Variants in KMT2C observed in about 807,000 individuals in gnomAD.
KMT2C encodes the protein lysine methyltransferase 2C.
KMT2C carries 88 observed loss-of-function variants against 507.9 expected under a neutral mutation model. The observed-to-expected ratio is 0.17, with a 90% CI of 0.15 to 0.21. KMT2C has a LOEUF of 0.21. KMT2C is among the 10% of genes least tolerant of loss of function. KMT2C has a pLI of 1.00. For synonymous variants in KMT2C, 2,049 were observed against 2,080.8 expected, an observed-to-expected ratio of 0.98 and a Z score of 0.42; for missense variants, 4,954 against 5,957.8, an observed-to-expected ratio of 0.83 and a Z score of 5.55.
At chr7:152,377,387 T>C (rs2097337257) in intron 1 of KMT2C, among the ~76,000 whole-genome samples, 2 of 150,360 alleles carry the variant, frequency 1.3e-5, no homozygotes, top group Non-Finnish European at 3.0e-5. Context: ...GATACATCTA[T>C]CCTGCAGCCC....
chr7:152,297,847 T>C (rs956957452), intron 6 of KMT2C, among the ~76,000 whole-genome samples: 9 of 151,958 alleles, frequency 5.9e-5, no homozygotes, highest in Non-Finnish European at 1.3e-4. Flanking sequence ...AAATAATCAA[T>C]CAAAACTGAC....
In KMT2C at chr7:152,367,198, C is replaced by T. The variant is rs532163473; in HGVS notation, c.162-8523G>A. ...GGTCTCCCACTCAGAGCTGAGGAAG[C>T]TTTTCTACTCAGCAGATGCAGTGTG... On this transcript the variant is annotated intron_variant, in intron 1 of 58. Coordinates refer to ENST00000262189, the MANE Select transcript of KMT2C (RefSeq NM_170606.3). The T allele has an allele frequency of 2.9e-5, 43 of 1,493,028 alleles. No homozygotes were observed. The South Asian group carries it at 4.9e-4, about 17-fold the overall frequency. The allele number at this position is 1,493,028 out of a possible 1,614,324, so 92.5% of individuals were successfully genotyped here.
At chr7:152,365,943 CCA>C (rs1205579227) in intron 1 of KMT2C, among the ~76,000 whole-genome samples, 8 of 152,026 alleles carry the variant, frequency 5.3e-5, no homozygotes, top group Admixed American at 4.6e-4. Flanking sequence ...CAAAGAACTT[CCA>C]CAGACATTTT....
At chr7:152,435,014 T>C (rs947846534) in intron 1 of KMT2C, among the ~76,000 whole-genome samples, 1 of 151,748 alleles carries the variant, frequency 6.6e-6, no homozygotes, top group Non-Finnish European at 1.5e-5. Context: ...TGCTGGGTGT[T>C]GGGGGAGGGG....
At chr7:152,428,649 AT>A (rs2116776506) in intron 1 of KMT2C, among the ~76,000 whole-genome samples, 1 of 151,956 alleles carries the variant, frequency 6.6e-6, no homozygotes, top group Non-Finnish European at 1.5e-5. Context: ...AAAAAAAAAA[AT>A]CATAAAAATC....
chr7:152,348,534 G>A (rs2097081620), intron 2 of KMT2C, among the ~76,000 whole-genome samples: 7 of 149,296 alleles, frequency 4.7e-5, no homozygotes, highest in African/African-American at 1.7e-4. Context: ...GGGAGGTGGA[G>A]GCTGCAGTGA....
intron 6 of KMT2C, among the ~76,000 whole-genome samples, chr7:152,298,181 TATGC>T (rs1194584829): frequency 1.3e-5 from 2 of 151,808 alleles, no homozygotes; most frequent in Non-Finnish European, 2.9e-5. Flanking sequence ...AGCCTAATAA[TATGC>T]AGGTAACTGG....
At chr7:152,411,585 A>G (rs1412759194) in intron 1 of KMT2C, among the ~76,000 whole-genome samples, 1 of 152,246 alleles carries the variant, frequency 6.6e-6, no homozygotes, top group Non-Finnish European at 1.5e-5. Flanking sequence ...GATCCGACGT[A>G]AAGCAGGCAC....
chr7:152,162,234 C>T lies in KMT2C; in HGVS notation c.11343G>A (p.Leu3781=), dbSNP rs2092494610. The stretch of plus-strand genomic sequence containing the variant: ...AAAGAGAAGATGACTTTTTATTTTT[C>T]AACAAGTGTTTCAGAAGTTCATTCC... The part of the protein sequence containing the change: ...DSGNELLKHL[L]KNKKSSSLLN... Residue 3781 remains leucine, a synonymous_variant, in exon 43 of 59, where the codon TTG becomes TTA. Transcript: ENST00000262189. 1.9e-6 allele frequency: 3 copies of T among 1,613,928 alleles called. No individual in the cohort carries two copies. The highest frequency in any genetic ancestry group is 2.5e-6 in the Non-Finnish European group (3 of 1,179,924).
chr7:152,217,364 T>C (rs571857519), intron 23 of KMT2C, among the ~76,000 whole-genome samples: 45 of 152,194 alleles, frequency 3.0e-4, no homozygotes, highest in Non-Finnish European at 5.3e-4. Flanking sequence ...TGGCAAAGTG[T>C]GGCAATACTG....
chr7:152,193,163 G>A (rs988576671), intron 31 of KMT2C, among the ~76,000 whole-genome samples: 2 of 152,130 alleles, frequency 1.3e-5, no homozygotes, highest in South Asian at 2.1e-4. Context: ...GTGACAGAGC[G>A]AGACCGTTTC....
chr7:152,306,674 CA>C (rs1475798997), intron 6 of KMT2C, among the ~76,000 whole-genome samples: 2 of 152,092 alleles, frequency 1.3e-5, no homozygotes, highest in Admixed American at 1.3e-4. Flanking sequence ...TAGGTATCAC[CA>C]AATTTCCCTC....
intron 1 of KMT2C, among the ~76,000 whole-genome samples, chr7:152,391,093 G>A (rs377646190): frequency 8.2e-4 from 89 of 108,816 alleles, no homozygotes; most frequent in African/African-American, 3.0e-3. Context: ...GCAGTGAGCC[G>A]AGATTGCACC....
intron 3 of KMT2C, among the ~76,000 whole-genome samples, chr7:152,329,893 C>G (rs1205376237): frequency 1.3e-5 from 2 of 151,532 alleles, no homozygotes; most frequent in Middle Eastern, 3.4e-3. Flanking sequence ...TGCCTGTAAT[C>G]CCAGCACTTT....
At chr7:152,213,370 A>G (rs1396460505) in intron 23 of KMT2C, among the ~76,000 whole-genome samples, 2 of 152,244 alleles carry the variant, frequency 1.3e-5, no homozygotes, top group Non-Finnish European at 2.9e-5. Flanking sequence ...AAACAGACAC[A>G]TGGATCAATG....
intron 1 of KMT2C, among the ~76,000 whole-genome samples, chr7:152,429,573 TGCAATA>T (rs1466647851): frequency 1.3e-5 from 2 of 151,882 alleles, no homozygotes; most frequent in Non-Finnish European, 2.9e-5. Context: ...CAGGCTGGTG[TGCAATA>T]GCATGATCTC....
chr7:152,331,671 G>GACA (rs2096885231), intron 2 of KMT2C, among the ~76,000 whole-genome samples: 2 of 102,782 alleles, frequency 1.9e-5, no homozygotes, highest in East Asian at 5.6e-4. Flanking sequence ...TTTTTTTGAT[G>GACA]GAGTCTCGCT....
intron 2 of KMT2C, among the ~76,000 whole-genome samples, chr7:152,344,611 T>C (rs1158968629): frequency 6.6e-6 from 1 of 150,918 alleles, no homozygotes; most frequent in East Asian, 1.9e-4. Context: ...TTACAAACTC[T>C]AAGGCAACAA....
intron 6 of KMT2C, among the ~76,000 whole-genome samples, chr7:152,282,972 T>TTCC (rs2096245257): frequency 6.6e-6 from 1 of 152,146 alleles, no homozygotes; most frequent in African/African-American, 2.4e-5. Flanking sequence ...ATATCAAGGT[T>TTCC]AGTATCCTAC....
Sources: gnomAD v4.1 joint callset for allele counts (sites outside exome capture counted in the v4.1 genomes callset) on GRCh38, gnomAD v4.1.1 for gene constraint, MANE v1.5 for transcripts, NCBI Gene and HGNC (gene_info 2026-07-23, HGNC 2026-07-21) for gene names.